Variants in DIAPH3 observed in about 807,000 individuals in gnomAD.
The protein encoded by DIAPH3 is protein diaphanous homolog 3.
Under a neutral mutation model 144.3 loss-of-function variants are expected in DIAPH3, and 117 were observed. The observed-to-expected ratio is 0.81, with a 90% CI of 0.70 to 0.95. The LOEUF (loss-of-function observed/expected upper bound fraction) is 0.95. Ranked by LOEUF, DIAPH3 falls within the 40% of genes least tolerant of loss-of-function variation. The pLI is 0.00. For missense variants in DIAPH3, 1,421 were observed against 1,412.7 expected (o/e 1.01, Z -0.09); for synonymous variants, 519 against 488.9 (o/e 1.06, Z -0.81).
At chr13:60,118,662 T>C (rs1169863107) in intron 2 of DIAPH3, among the ~76,000 whole-genome samples, 1 of 152,200 alleles carries the variant, frequency 6.6e-6, no homozygotes, top group Non-Finnish European at 1.5e-5. Flanking sequence ...ATTACTAATC[T>C]GGGAACTTTG....
chr13:59,846,451 T>G (rs2042637160), intron 22 of DIAPH3, among the ~76,000 whole-genome samples: 1 of 152,156 alleles, frequency 6.6e-6, no homozygotes, highest in Non-Finnish European at 1.5e-5. Flanking sequence ...AATCAATTGT[T>G]TCATGTGCAA....
At chr13:59,704,332 TACAG>T (rs1195115435) in intron 27 of DIAPH3, among the ~76,000 whole-genome samples, 2 of 152,216 alleles carry the variant, frequency 1.3e-5, no homozygotes, top group Non-Finnish European at 2.9e-5. Context: ...AGTATCTTCC[TACAG>T]ACAGGTAGAC....
intron 17 of DIAPH3, among the ~76,000 whole-genome samples, chr13:59,953,938 T>C (rs935483512): frequency 6.6e-5 from 10 of 152,176 alleles, no homozygotes; most frequent in African/African-American, 2.4e-4. Context: ...ATGTAATAAA[T>C]GAAAGGCTAT....
intron 21 of DIAPH3, among the ~76,000 whole-genome samples, chr13:59,877,782 T>C (rs1023996170): frequency 2.0e-5 from 3 of 151,800 alleles, no homozygotes; most frequent in African/African-American, 7.3e-5. Context: ...CCCCACTCCT[T>C]TCCCATCTAG....
intron 21 of DIAPH3, among the ~76,000 whole-genome samples, chr13:59,866,168 T>A (rs2043911267): frequency 6.6e-6 from 1 of 151,968 alleles, no homozygotes; most frequent in African/African-American, 2.4e-5. Context: ...AGCATTAATG[T>A]TTGGTACTTA....
intron 25 of DIAPH3, among the ~76,000 whole-genome samples, chr13:59,803,674 C>A (rs2040053116): frequency 6.6e-6 from 1 of 152,058 alleles, no homozygotes; most frequent in Non-Finnish European, 1.5e-5. Context: ...TGGAAGGGGA[C>A]AAAGGATGGT....
At chr13:60,117,313 G>T (rs959930534) in intron 2 of DIAPH3, among the ~76,000 whole-genome samples, 2 of 151,686 alleles carry the variant, frequency 1.3e-5, no homozygotes, top group Non-Finnish European at 2.9e-5. Context: ...ATCCACAATG[G>T]TCAAAATAGT....
intron 20 of DIAPH3, among the ~76,000 whole-genome samples, chr13:59,889,937 A>T (rs2045685171): frequency 6.6e-6 from 1 of 152,162 alleles, no homozygotes; most frequent in Non-Finnish European, 1.5e-5. Context: ...GGGTGGGTCT[A>T]GACTAGGTCT....
At chr13:59,727,661 A>G (rs564646578) in intron 27 of DIAPH3, among the ~76,000 whole-genome samples, 1 of 152,322 alleles carries the variant, frequency 6.6e-6, no homozygotes, top group African/African-American at 2.4e-5. Context: ...TATCTAGAGT[A>G]GGAGCTATAT....
chr13:60,113,067 T>C (rs181323970), intron 2 of DIAPH3, among the ~76,000 whole-genome samples: 4 of 152,268 alleles, frequency 2.6e-5, no homozygotes, highest in African/African-American at 9.6e-5. Context: ...TTTTTTATCA[T>C]TGTTGTATAC....
At chr13:60,104,912 G>A (rs1201123372) in intron 3 of DIAPH3, among the ~76,000 whole-genome samples, 2 of 152,024 alleles carry the variant, frequency 1.3e-5, no homozygotes, top group East Asian at 3.9e-4. Context: ...TGGCTAACAC[G>A]GTGAAACCCC....
At chr13:60,009,826 A>C (rs1004012476) in intron 8 of DIAPH3, among the ~76,000 whole-genome samples, 1 of 152,142 alleles carries the variant, frequency 6.6e-6, no homozygotes, top group African/African-American at 2.4e-5. Flanking sequence ...CAACCCCTAC[A>C]TATGGGGGAT....
intron 3 of DIAPH3, among the ~76,000 whole-genome samples, chr13:60,094,912 T>C (rs1160501849): frequency 2.0e-5 from 3 of 152,214 alleles, no homozygotes; most frequent in Non-Finnish European, 4.4e-5. Flanking sequence ...AACACAAACA[T>C]CCTGTTACGT....
chr13:60,013,285 G>A, intron 7 of DIAPH3: 2 of 914,044 alleles, frequency 2.2e-6, no homozygotes, highest in Non-Finnish European at 2.6e-6. Flanking sequence ...TTTAGGTAGA[G>A]GAAAGTTAAT....
intron 4 of DIAPH3, among the ~76,000 whole-genome samples, chr13:60,088,085 G>A (rs1253386979): frequency 1.3e-5 from 2 of 152,104 alleles, no homozygotes; most frequent in African/African-American, 4.8e-5. Flanking sequence ...GGGCACGGGG[G>A]AGTGCAACAT....
At chr13:59,906,121 A>G (rs1198156247) in intron 20 of DIAPH3, among the ~76,000 whole-genome samples, 1 of 152,244 alleles carries the variant, frequency 6.6e-6, no homozygotes, top group Non-Finnish European at 1.5e-5. Context: ...CTGCCTTCAA[A>G]TACAAAGATG....
At chr13:59,940,167 C>T (rs1275948196) in intron 17 of DIAPH3, among the ~76,000 whole-genome samples, 3 of 152,006 alleles carry the variant, frequency 2.0e-5, no homozygotes, top group South Asian at 2.1e-4. Context: ...AAATGGGGAG[C>T]GAGGTAACCT....
At chr13:59,970,825 G>T in intron 16 of DIAPH3, 27 bp downstream of exon 16, 1 of 1,595,078 alleles carries the variant, frequency 6.3e-7, no homozygotes, top group Non-Finnish European at 8.6e-7. Flanking sequence ...CTAAGTAAAA[G>T]TATTTTCCTC....
chr13:59,759,756 C>G (rs2037477797), intron 27 of DIAPH3, among the ~76,000 whole-genome samples: 1 of 151,938 alleles, frequency 6.6e-6, no homozygotes, highest in Admixed American at 6.6e-5. Flanking sequence ...CCAGCCTGGC[C>G]AACATGGTGA....
Sources: gnomAD v4.1 joint callset for allele counts (sites outside exome capture counted in the v4.1 genomes callset) on GRCh38, gnomAD v4.1.1 for gene constraint, MANE v1.5 for transcripts, NCBI Gene and HGNC (gene_info 2026-07-23, HGNC 2026-07-21) for gene names.